Variants in ADAMTS12 observed in about 807,000 individuals in gnomAD.
ADAMTS12 encodes A disintegrin and metalloproteinase with thrombospondin motifs 12.
In ADAMTS12, 118 loss-of-function variants were observed where a neutral mutation model predicts 167.8. The ratio of observed to expected loss-of-function variants is 0.70; its 90% CI spans 0.61 to 0.82. The LOEUF (loss-of-function observed/expected upper bound fraction) is 0.82. ADAMTS12 is among the 40% of genes least tolerant of loss of function. The pLI is 0.00. For synonymous variants in ADAMTS12, 704 were observed against 716.9 expected (o/e 0.98, Z 0.29); for missense variants, 1,916 against 1,998.8 (o/e 0.96, Z 0.79).
intron 2 of ADAMTS12, among the ~76,000 whole-genome samples, chr5:33,785,284 C>A (rs762753856): frequency 3.3e-5 from 5 of 151,236 alleles, no homozygotes; most frequent in Non-Finnish European, 5.9e-5. Context: ...AGATATGATA[C>A]CAAAAGCACA....
At chr5:33,803,642 G>A (rs540975062) in intron 2 of ADAMTS12, among the ~76,000 whole-genome samples, 1 of 152,230 alleles carries the variant, frequency 6.6e-6, no homozygotes, top group African/African-American at 2.4e-5. Context: ...CCAAGACTGG[G>A]TAATTTATAG....
chr5:33,810,712 G>T (rs1433900407), intron 2 of ADAMTS12, among the ~76,000 whole-genome samples: 2 of 152,154 alleles, frequency 1.3e-5, no homozygotes, highest in Non-Finnish European at 2.9e-5. Context: ...CAGGAATTTT[G>T]CCCTAAAATT....
intron 21 of ADAMTS12, 136 bp from the exon 22 acceptor site, chr5:33,546,338 C>T (rs2111817135): frequency 1.3e-6 from 1 of 744,268 alleles, no homozygotes. Context: ...GAATTTATAG[C>T]ATTCCTGCAA....
At chr5:33,553,669 C>T (rs1257095814) in intron 20 of ADAMTS12, among the ~76,000 whole-genome samples, 1 of 152,134 alleles carries the variant, frequency 6.6e-6, no homozygotes, top group African/African-American at 2.4e-5. Context: ...ATGATGAGAA[C>T]ACATGGACAC....
rs10051281 is a variant in ADAMTS12, at chr5:33,766,497, A to G, written c.490-14949T>C. Among the ~76,000 whole-genome samples the G allele has an allele frequency of 3.9e-3, 593 of 152,314 alleles. 6 individuals carry two copies. The highest frequency in any genetic ancestry group is 0.014 in the African/African-American group (574 of 41,572). On this transcript the variant is annotated intron_variant, in intron 2 of 23. Coordinates refer to ENST00000504830, the MANE Select transcript of ADAMTS12 (RefSeq NM_030955.4). The stretch of plus-strand genomic sequence containing the variant: ...GGGAAGACTAGTGAACCCTAAATAA[A>G]GTGTATAACTGAGTTACTAGTAACG...
intron 2 of ADAMTS12, among the ~76,000 whole-genome samples, chr5:33,756,350 A>G (rs1162201344): frequency 6.6e-6 from 1 of 152,186 alleles, no homozygotes; most frequent in African/African-American, 2.4e-5. Context: ...TTCGGAGGCC[A>G]CTGAGAGTGG....
intron 2 of ADAMTS12, among the ~76,000 whole-genome samples, chr5:33,790,387 T>C (rs1365572059): frequency 6.6e-6 from 1 of 151,984 alleles, no homozygotes; most frequent in Non-Finnish European, 1.5e-5. Context: ...ACCCCGTCTC[T>C]ACTAAAAATA....
chr5:33,751,694 G>T, intron 2 of ADAMTS12, 146 bp from the exon 3 acceptor site: 1 of 707,098 alleles, frequency 1.4e-6, no homozygotes, highest in Non-Finnish European at 2.3e-6. Flanking sequence ...TCATAGAAGA[G>T]TTACATACAA....
At chr5:33,715,377 G>C (rs140458583) in intron 3 of ADAMTS12, among the ~76,000 whole-genome samples, 5 of 152,194 alleles carry the variant, frequency 3.3e-5, no homozygotes, top group African/African-American at 1.2e-4. Flanking sequence ...GGGACACTAA[G>C]GAGAGAATTC....
intron 14 of ADAMTS12, among the ~76,000 whole-genome samples, chr5:33,619,853 C>T (rs1422850948): frequency 3.3e-5 from 5 of 152,158 alleles, no homozygotes; most frequent in African/African-American, 2.4e-5. Flanking sequence ...TGCCACCACA[C>T]GCAGCTAATT....
intron 3 of ADAMTS12, among the ~76,000 whole-genome samples, chr5:33,747,734 T>A (rs142463314): frequency 7.9e-4 from 121 of 152,306 alleles, no homozygotes; most frequent in African/African-American, 2.9e-3. Context: ...TATAGCTACA[T>A]GTCCTAGCAA....
intron 14 of ADAMTS12, among the ~76,000 whole-genome samples, chr5:33,623,732 G>A (rs549907152): frequency 6.6e-6 from 1 of 152,188 alleles, no homozygotes; most frequent in East Asian, 1.9e-4. Flanking sequence ...ACCCTGCCTT[G>A]CTTCTCTTTT....
chr5:33,697,120 G>A (rs1201332440), intron 3 of ADAMTS12, among the ~76,000 whole-genome samples: 1 of 152,168 alleles, frequency 6.6e-6, no homozygotes, highest in Non-Finnish European at 1.5e-5. Flanking sequence ...TCTCAAAAAT[G>A]GGATAATGAA....
At chr5:33,680,262 G>C (rs556895408) in intron 5 of ADAMTS12, among the ~76,000 whole-genome samples, 1 of 152,196 alleles carries the variant, frequency 6.6e-6, no homozygotes, top group Non-Finnish European at 1.5e-5. Flanking sequence ...TCAGGGGGCA[G>C]AGGCCAATCA....
chr5:33,574,657 T>C (rs997675941), intron 19 of ADAMTS12, among the ~76,000 whole-genome samples: 2 of 151,132 alleles, frequency 1.3e-5, no homozygotes, highest in Non-Finnish European at 2.9e-5. Flanking sequence ...AAACGACGAA[T>C]TAATGGGTGC....
intron 2 of ADAMTS12, among the ~76,000 whole-genome samples, chr5:33,794,342 G>C (rs1209033904): frequency 6.6e-6 from 1 of 152,156 alleles, no homozygotes; most frequent in Non-Finnish European, 1.5e-5. Context: ...TGGGATTGCT[G>C]GTTTGTTCTT....
At chr5:33,705,821 CAATAAT>C (rs138711243) in intron 3 of ADAMTS12, among the ~76,000 whole-genome samples, 3 of 151,110 alleles carry the variant, frequency 2.0e-5, no homozygotes, top group African/African-American at 7.3e-5. Context: ...AAAATAATAA[CAATAAT>C]AATAATAATA....
chr5:33,541,653 C>A (rs1483184287), intron 22 of ADAMTS12, among the ~76,000 whole-genome samples: 1 of 152,190 alleles, frequency 6.6e-6, no homozygotes, highest in Non-Finnish European at 1.5e-5. Flanking sequence ...AGAAACCCTA[C>A]AAGAGAGAAG....
intron 3 of ADAMTS12, among the ~76,000 whole-genome samples, chr5:33,700,713 T>A (rs1742969489): frequency 6.6e-6 from 1 of 152,118 alleles, no homozygotes; most frequent in African/African-American, 2.4e-5. Flanking sequence ...CTGAATAAGA[T>A]CAGTGGATTG....
Sources: gnomAD v4.1 joint callset for allele counts (sites outside exome capture counted in the v4.1 genomes callset) on GRCh38, gnomAD v4.1.1 for gene constraint, MANE v1.5 for transcripts, NCBI Gene and HGNC (gene_info 2026-07-23, HGNC 2026-07-21) for gene names.